Variants in MANBA observed in about 807,000 individuals in gnomAD.
MANBA encodes beta-mannosidase.
Under a neutral mutation model 111.1 loss-of-function variants are expected in MANBA, and 83 were observed. The observed-to-expected ratio is 0.75, with a 90% confidence interval of 0.63 to 0.90. MANBA has a LOEUF of 0.90. MANBA is among the 40% of genes least tolerant of loss of function. MANBA has a pLI of 0.00. For missense variants in MANBA, 1,036 were observed against 1,069.0 expected, an observed-to-expected ratio of 0.97 and a Z score of 0.43; for synonymous variants, 370 against 378.7, an observed-to-expected ratio of 0.98 and a Z score of 0.27.
At chr4:102,757,421 A>G (rs1300191688) in intron 1 of MANBA, among the ~76,000 whole-genome samples, 2 of 152,214 alleles carry the variant, frequency 1.3e-5, no homozygotes, top group Non-Finnish European at 2.9e-5. Flanking sequence ...TCTGTACAGA[A>G]AACCCAGAGA....
At chr4:102,709,470 G>A (rs961616928) in intron 5 of MANBA, among the ~76,000 whole-genome samples, 7 of 151,976 alleles carry the variant, frequency 4.6e-5, no homozygotes, top group East Asian at 1.9e-4. Flanking sequence ...GAACCTGAAC[G>A]ACTAATAATA....
chr4:102,632,634 T>G (rs1019712680), intron 16 of MANBA, among the ~76,000 whole-genome samples: 1 of 152,218 alleles, frequency 6.6e-6, no homozygotes, highest in Non-Finnish European at 1.5e-5. Context: ...AATGACTTTC[T>G]AAGGATATAT....
At chr4:102,688,659 T>G (rs560633841) in intron 7 of MANBA, among the ~76,000 whole-genome samples, 30 of 152,288 alleles carry the variant, frequency 2.0e-4, no homozygotes, top group African/African-American at 7.2e-4. Flanking sequence ...ATAAGCCAGA[T>G]CCAAGCCATC....
chr4:102,687,703 G>A (rs182717223), intron 7 of MANBA, among the ~76,000 whole-genome samples: 1 of 152,252 alleles, frequency 6.6e-6, no homozygotes, highest in East Asian at 1.9e-4. Context: ...CATCTCTAGA[G>A]TGCTAATATA....
At chr4:102,736,672 A>G (rs568501411) in intron 1 of MANBA, among the ~76,000 whole-genome samples, 56 of 152,356 alleles carry the variant, frequency 3.7e-4, no homozygotes, top group African/African-American at 1.3e-3. Flanking sequence ...ATTAGGATAC[A>G]TAATTATCTG....
intron 1 of MANBA, chr4:102,751,278 G>A: frequency 6.2e-6 from 2 of 321,386 alleles, no homozygotes; most frequent in Non-Finnish European, 1.2e-5. Context: ...GCAGAGTCCA[G>A]GCTTAGACTG....
chr4:102,746,982 A>G (rs1361719741), intron 1 of MANBA, among the ~76,000 whole-genome samples: 1 of 151,738 alleles, frequency 6.6e-6, no homozygotes, highest in East Asian at 1.9e-4. Context: ...AAAAAAAAAA[A>G]AAAAAGAAAG....
chr4:102,705,452 A>G (rs1733254623), intron 5 of MANBA, among the ~76,000 whole-genome samples: 1 of 152,142 alleles, frequency 6.6e-6, no homozygotes, highest in East Asian at 1.9e-4. Context: ...GTAGCCAGGC[A>G]CTGCTGCTGG....
intron 15 of MANBA, among the ~76,000 whole-genome samples, chr4:102,635,356 G>T (rs1729577347): frequency 6.6e-6 from 1 of 152,144 alleles, no homozygotes; most frequent in African/African-American, 2.4e-5. Flanking sequence ...CCTATTTTCA[G>T]TGTTATTAGT....
rs766022646 is a variant in MANBA at position 102,709,324 on chromosome 4, G to GA, written c.673+5113dup. ...GAAGGAAGGAAGGAAGAAAAGAAAA[G>GA]AAAAAGAAAGGAAGGAAGGAAGGAA... On this transcript the variant is annotated intron_variant, in intron 5 of 16. Transcript: ENST00000647097. Among the ~76,000 whole-genome samples the GA allele has an allele frequency of 2.6e-5, 2 of 75,742 alleles. 1 individual carries two copies. The allele number at this position is 75,742 out of a possible 152,430, so 49.7% of individuals were successfully genotyped here. A position where few individuals can be genotyped will look rare whatever the true frequency, so the allele number is the denominator to read the frequency against.
rs1729387188 is a variant in MANBA, at chr4:102,631,807, G to A, written c.*250C>T. 3.3e-6 allele frequency: 2 copies of A among 604,066 alleles called. No individual in the cohort carries two copies. The highest frequency in any genetic ancestry group is 5.9e-5 in the Admixed American group (2 of 34,102). The allele number at this position is 604,066 out of a possible 1,614,324, so 37.4% of individuals were successfully genotyped here. A position where few individuals can be genotyped will look rare whatever the true frequency, so the allele number is the denominator to read the frequency against. ...TCCTGCTAAAGCTGAGAGGTGAAGG[G>A]CTAAAAACACAGTCCTGGCACAGAT... On this transcript the variant is annotated 3_prime_UTR_variant, in exon 17 of 17. Coordinates refer to ENST00000647097, the MANE Select transcript of MANBA (RefSeq NM_005908.4).
chr4:102,687,397 A>G (rs1208876582), intron 7 of MANBA, among the ~76,000 whole-genome samples: 1 of 152,166 alleles, frequency 6.6e-6, no homozygotes, highest in Non-Finnish European at 1.5e-5. Context: ...GAATCCTGGC[A>G]GCACTCAGGA....
At chr4:102,681,786 T>C (rs1191934144) in intron 7 of MANBA, among the ~76,000 whole-genome samples, 2 of 152,224 alleles carry the variant, frequency 1.3e-5, no homozygotes, top group Non-Finnish European at 1.5e-5. Flanking sequence ...CAAACTGTTA[T>C]AAATTTGCTT....
At chr4:102,720,477 C>T (rs1160126419) in intron 4 of MANBA, among the ~76,000 whole-genome samples, 23 of 150,592 alleles carry the variant, frequency 1.5e-4, no homozygotes, top group South Asian at 8.4e-4. Context: ...TGGTGGCAGG[C>T]GCCTGTAATC....
intron 10 of MANBA, chr4:102,666,263 AGATTTT>A (rs1306032620): frequency 1.3e-5 from 2 of 152,276 alleles, no homozygotes; most frequent in Non-Finnish European, 2.9e-5. Context: ...CATAAATGTT[AGATTTT>A]AATTATTTAT....
chr4:102,701,918 T>A (rs1733069701), intron 5 of MANBA, among the ~76,000 whole-genome samples: 1 of 151,610 alleles, frequency 6.6e-6, no homozygotes, highest in South Asian at 2.1e-4. Flanking sequence ...CCTTGCTAGA[T>A]TGGCAAAGTT....
rs187403047 is a variant in MANBA, at chr4:102,650,916, C to T, written c.1705-215G>A. 5.8e-5 allele frequency: 31 copies of T among 538,240 alleles called. No homozygotes were observed. The East Asian group carries it at 9.3e-4, about 16-fold the overall frequency. The allele number at this position is 538,240 out of a possible 1,614,324, so 33.3% of individuals were successfully genotyped here. A position where few individuals can be genotyped will look rare whatever the true frequency, so the allele number is the denominator to read the frequency against. On this transcript the variant is annotated intron_variant, in intron 12 of 16. Transcript: ENST00000647097. ...GGAATCACAAAACCAGGGTTTGGTA[C>T]ATATATCCTCCCTTCCTCCAACTAA...
In MANBA at chr4:102,658,568, T is replaced by C. The variant is rs192092500; in HGVS notation, c.1486-668A>G. Among the ~76,000 whole-genome samples, 328 of 152,316 alleles carry C rather than the reference T, an allele frequency of 2.2e-3. 1 individual carries two copies. Among genetic ancestry groups the C allele is most frequent in the African/African-American group, 7.7e-3 (318 of 41,556 alleles). On this transcript the variant is annotated intron_variant, in intron 11 of 16. Coordinates refer to ENST00000647097, the MANE Select transcript of MANBA (RefSeq NM_005908.4). ...AATAATAGTACCTCCTTTAGAGGTA[T>C]TATAAATAGTAAATAACTCTCATGT... is the stretch of plus-strand genomic sequence containing the variant.
In MANBA at chr4:102,752,577, G is replaced by T. The variant is rs142045519; in HGVS notation, c.177+8141C>A. The T allele has an allele frequency of 6.6e-4, 429 of 649,914 alleles. 2 individuals are homozygous for T. In the African/African-American group the frequency reaches 6.9e-3, roughly 10 times the overall value. 40.3% of individuals were successfully genotyped at this position (649,914 alleles called of 1,614,324 possible). On this transcript the variant is annotated intron_variant, in intron 1 of 16. Coordinates refer to ENST00000647097, the MANE Select transcript of MANBA (RefSeq NM_005908.4). ...AGGGACACAGGGCTACTTTTCAGTG[G>T]ACAAGCAGACAATAAATTGTATTCC... is the stretch of plus-strand genomic sequence containing the variant.
Sources: allele counts gnomAD v4.1 joint callset (sites outside exome capture counted in the v4.1 genomes callset), GRCh38; gene constraint gnomAD v4.1.1; transcripts MANE v1.5; gene names NCBI Gene and HGNC (gene_info 2026-07-23, HGNC 2026-07-21).